Variants in USP6NL observed in about 807,000 individuals in gnomAD.
USP6NL encodes the protein USP6 N-terminal-like protein.
Under a neutral mutation model 61.9 loss-of-function variants are expected in USP6NL, and 26 were observed. That is an observed-to-expected ratio of 0.42 (90% confidence interval 0.31 to 0.58). USP6NL has a LOEUF of 0.58. USP6NL is among the 20% of genes least tolerant of loss of function. USP6NL has a pLI of 0.16. For synonymous variants in USP6NL, 432 were observed against 390.1 expected, an observed-to-expected ratio of 1.11 and a Z score of -1.27; for missense variants, 1,114 against 1,034.3, an observed-to-expected ratio of 1.08 and a Z score of -1.06.
rs1278499746 is a variant in USP6NL, at chr10:11,462,782, A to G, written c.2146T>C (p.Ser716Pro). Residue 716 changes from serine to proline, a missense_variant, in exon 15 of 15, where the codon TCA becomes CCA. Physicochemically the swap from Ser to Pro is moderately conservative, Grantham distance 74 (BLOSUM62 -1). Transcript: ENST00000609104. Reference protein sequence around the residue: ...GAGGYSGNSGSPKNGKLIIPP... With the variant: ...GAGGYSGNSGPPKNGKLIIPP... ...ATGATCAATTTTCCATTCTTTGGTG[A>G]CCCTGAATTGCCCGAATATCCCCCA... The G allele has an allele frequency of 6.2e-7, 1 of 1,613,974 alleles. No homozygotes were observed. Among genetic ancestry groups the G allele is most frequent in the Non-Finnish European group, 8.5e-7 (1 of 1,179,892 alleles).
chr10:11,547,542 C>CT (rs11409797), intron 2 of USP6NL, among the ~76,000 whole-genome samples: 50,809 of 138,012 alleles, frequency 0.37, 9,743 homozygotes, highest in East Asian at 0.62. Flanking sequence ...CATTTTAAAA[C>CT]TTTTTTTTTT....
intron 2 of USP6NL, among the ~76,000 whole-genome samples, chr10:11,581,114 A>G (rs1018964425): frequency 2.6e-5 from 4 of 152,082 alleles, no homozygotes; most frequent in African/African-American, 9.7e-5. Flanking sequence ...CACATCTCTA[A>G]TAGTTTTTCT....
intron 7 of USP6NL, among the ~76,000 whole-genome samples, chr10:11,497,038 ATAT>A (rs1231238007): frequency 2.6e-5 from 4 of 151,796 alleles, no homozygotes; most frequent in Non-Finnish European, 2.9e-5. Context: ...GGTTCAGAAG[ATAT>A]TATAAAAATT....
rs759354208 is a variant in USP6NL at position 11,597,661 on chromosome 10, C to G, written c.-27G>C. The G allele has an allele frequency of 2.6e-6, 4 of 1,550,424 alleles. No individual in the cohort carries two copies. The highest frequency in any genetic ancestry group is 3.5e-6 in the Non-Finnish European group (4 of 1,146,048). ...ACTGGAAATGGGTCTGAATGTTGTCCCAATCAGATATTAAACCAAAATCTG... is the reference window on the plus strand; with the variant it reads ...ACTGGAAATGGGTCTGAATGTTGTCGCAATCAGATATTAAACCAAAATCTG... On this transcript the variant is annotated 5_prime_UTR_variant, in exon 2 of 15. Coordinates refer to ENST00000609104, the MANE Select transcript of USP6NL (RefSeq NM_014688.5). The surrounding 1 kb of genome is among the most constrained non-coding windows in gnomAD (Gnocchi z 4.6).
intron 2 of USP6NL, among the ~76,000 whole-genome samples, chr10:11,578,515 G>A (rs1254093820): frequency 2.0e-5 from 3 of 152,110 alleles, no homozygotes; most frequent in African/African-American, 7.2e-5. Context: ...AAGGCGGAAG[G>A]ATCCCTTGAG....
At chr10:11,555,706 C>G (rs559185863) in intron 2 of USP6NL, among the ~76,000 whole-genome samples, 8 of 151,722 alleles carry the variant, frequency 5.3e-5, no homozygotes, top group Non-Finnish European at 1.0e-4. Flanking sequence ...CATACCTGGA[C>G]ACATCAGAGT....
rs775081833 is a variant in USP6NL, at chr10:11,485,052, G to C, written c.844C>G (p.Leu282Val). 9.0e-5 allele frequency: 140 copies of C among 1,550,546 alleles called. No individual in the cohort carries two copies. The highest frequency in any genetic ancestry group is 1.2e-4 in the Non-Finnish European group (139 of 1,146,770). ...AAGATGTAGATATCCCATATTCTGA[G>C]GTTTAGTGTAAAGGGAGTCTACAAT... ...FLDRTPFTLN[L>V]RIWDIYIFEG... Residue 282 changes from leucine to valine, a missense_variant, in exon 13 of 15, where the codon CTC becomes GTC. Leu to Val is a conservative substitution (Grantham distance 32). Coordinates refer to ENST00000609104, the MANE Select transcript of USP6NL (RefSeq NM_014688.5). This position sits in a 1 kb window ranked among gnomAD's most constrained non-coding sequence, Gnocchi z 4.8.
At chr10:11,576,981 C>CA (rs374048144) in intron 2 of USP6NL, among the ~76,000 whole-genome samples, 3 of 151,196 alleles carry the variant, frequency 2.0e-5, no homozygotes, top group African/African-American at 7.3e-5. Flanking sequence ...TTTTCCTGTA[C>CA]AAAAAACATG....
At chr10:11,526,790 G>T (rs1297665774) in intron 3 of USP6NL, among the ~76,000 whole-genome samples, 3 of 152,088 alleles carry the variant, frequency 2.0e-5, no homozygotes, top group Non-Finnish European at 4.4e-5. Context: ...AGGAGGTAAG[G>T]TATAAAGAGG....
intron 4 of USP6NL, among the ~76,000 whole-genome samples, chr10:11,519,566 G>T (rs777432844): frequency 3.9e-5 from 6 of 152,170 alleles, no homozygotes; most frequent in Non-Finnish European, 7.3e-5. Flanking sequence ...GGAGGTGGAG[G>T]TTGCAGTGAG....
At chr10:11,609,091 G>A (rs1024464595) in intron 1 of USP6NL, among the ~76,000 whole-genome samples, 1 of 152,040 alleles carries the variant, frequency 6.6e-6, no homozygotes, top group Non-Finnish European at 1.5e-5. Flanking sequence ...TTGAGACAGA[G>A]TCTCACTCTG....
At chr10:11,583,741 T>C (rs1462547953) in intron 2 of USP6NL, among the ~76,000 whole-genome samples, 1 of 152,186 alleles carries the variant, frequency 6.6e-6, no homozygotes, top group Non-Finnish European at 1.5e-5. Flanking sequence ...AAAAAATTCG[T>C]TATTGGCCAG....
chr10:11,562,357 T>C lies in USP6NL; in HGVS notation c.5-34790A>G. On this transcript the variant is annotated intron_variant, in intron 2 of 14. Coordinates refer to ENST00000609104, the MANE Select transcript of USP6NL (RefSeq NM_014688.5). The surrounding 1 kb of genome is among the most constrained non-coding windows in gnomAD (Gnocchi z 4.8). Reference sequence around the variant, plus strand: ...GGCTGATGGCTTAAGGAAAAGCTTTTGCATTCCTTACACAGGTGACACCAA... The same window carrying C: ...GGCTGATGGCTTAAGGAAAAGCTTTCGCATTCCTTACACAGGTGACACCAA... The C allele has an allele frequency of 1.0e-6, 1 of 983,292 alleles. No individual in the cohort carries two copies. Among genetic ancestry groups the C allele is most frequent in the Non-Finnish European group, 1.2e-6 (1 of 827,940 alleles). The allele number at this position is 983,292 out of a possible 1,614,324, so 60.9% of individuals were successfully genotyped here. A position where few individuals can be genotyped will look rare whatever the true frequency, so the allele number is the denominator to read the frequency against.
rs1009457519 is a variant in USP6NL at position 11,513,714 on chromosome 10, T to A, written c.196-4039A>T. Among the ~76,000 whole-genome samples the A allele has an allele frequency of 6.6e-6, 1 of 152,180 alleles. No individual in the cohort carries two copies. The highest frequency in any genetic ancestry group is 6.5e-5 in the Admixed American group (1 of 15,268). On this transcript the variant is annotated intron_variant, in intron 5 of 14. Transcript: ENST00000609104. The surrounding 1 kb of genome is among the most constrained non-coding windows in gnomAD (Gnocchi z 4.7). Reference sequence around the variant, plus strand: ...ATTATCCTACATGATTACAGTACCATTATATCCAAGAAATTTAAAACTGGT... The same window carrying A: ...ATTATCCTACATGATTACAGTACCAATATATCCAAGAAATTTAAAACTGGT...
intron 1 of USP6NL, among the ~76,000 whole-genome samples, chr10:11,608,581 G>C (rs1017878811): frequency 6.6e-6 from 1 of 151,948 alleles, no homozygotes; most frequent in Non-Finnish European, 1.5e-5. Context: ...CTTACAAGTC[G>C]CTTCCACAGG....
rs1224528983 is a variant in USP6NL at position 11,489,920 on chromosome 10, GT to G, written c.544-699del. ...ATCTGTGGGTGCAATCTGAGCCGCA[GT>G]ATAACTGGCCAGTAGGCAAAGGAAG... is the stretch of plus-strand genomic sequence containing the variant. On this transcript the variant is annotated intron_variant, in intron 9 of 14. Coordinates refer to ENST00000609104, the MANE Select transcript of USP6NL (RefSeq NM_014688.5). The surrounding 1 kb of genome is among the most constrained non-coding windows in gnomAD (Gnocchi z 5.7). Among the ~76,000 whole-genome samples, 3 of 152,234 alleles carry G rather than the reference GT, an allele frequency of 2.0e-5. No individual in the cohort carries two copies. The highest frequency in any genetic ancestry group is 2.4e-5 in the African/African-American group (1 of 41,454).
At chr10:11,594,261 T>C (rs536489560) in intron 2 of USP6NL, among the ~76,000 whole-genome samples, 11 of 152,156 alleles carry the variant, frequency 7.2e-5, no homozygotes, top group Middle Eastern at 6.8e-3. Flanking sequence ...CTAGAGAAAA[T>C]CATCAAATGG....
In USP6NL at chr10:11,596,147, A is replaced by G. The variant is rs1223023022; in HGVS notation, c.4+1484T>C. Among the ~76,000 whole-genome samples the G allele has an allele frequency of 6.6e-6, 1 of 152,242 alleles. No individual in the cohort carries two copies. The highest frequency in any genetic ancestry group is 1.5e-5 in the Non-Finnish European group (1 of 68,038). On this transcript the variant is annotated intron_variant, in intron 2 of 14. Coordinates refer to ENST00000609104, the MANE Select transcript of USP6NL (RefSeq NM_014688.5). The surrounding 1 kb of genome is among the most constrained non-coding windows in gnomAD (Gnocchi z 4.1). ...CATCTGCAACACTGATCCTAACAGAACCCAAAAATTGCAAAGTAGAAGAAA... is the reference window on the plus strand; with the variant it reads ...CATCTGCAACACTGATCCTAACAGAGCCCAAAAATTGCAAAGTAGAAGAAA...
intron 2 of USP6NL, among the ~76,000 whole-genome samples, chr10:11,584,511 C>A (rs1165767283): frequency 6.6e-6 from 1 of 152,100 alleles, no homozygotes; most frequent in African/African-American, 2.4e-5. Flanking sequence ...TACCTTAGGC[C>A]AAACTCATCT....
Sources: allele counts gnomAD v4.1 joint callset (sites outside exome capture counted in the v4.1 genomes callset), GRCh38; gene constraint gnomAD v4.1.1; non-coding constraint Gnocchi (gnomAD v3.1); transcripts MANE v1.5; gene names NCBI Gene and HGNC (gene_info 2026-07-23, HGNC 2026-07-21).